CMTM8: variants seen among roughly 807,000 people sequenced by gnomAD.
CMTM8 encodes CKLF like MARVEL transmembrane domain containing 8, also known as CKLF-like MARVEL transmembrane domain-containing protein 8.
A neutral mutation model predicts 18.6 loss-of-function variants in CMTM8; 12 were observed. The observed-to-expected ratio is 0.65, with a 90% confidence interval of 0.41 to 1.05. CMTM8 has a LOEUF of 1.05. Ranked by LOEUF, CMTM8 falls within the 50% of genes least tolerant of loss-of-function variation. The pLI is 0.00. For synonymous variants in CMTM8, 87 were observed against 90.6 expected, an observed-to-expected ratio of 0.96 and a Z score of 0.23; for missense variants, 217 against 227.2, an observed-to-expected ratio of 0.95 and a Z score of 0.29.
chr3:32,280,778 G>A (rs1702595095), intron 1 of CMTM8, among the ~76,000 whole-genome samples: 2 of 149,692 alleles, frequency 1.3e-5, no homozygotes, highest in African/African-American at 2.5e-5. Context: ...TCTGGTACCT[G>A]GGGTGGAGTC....
chr3:32,314,625 G>A (rs144295761), intron 1 of CMTM8, among the ~76,000 whole-genome samples: 15 of 152,028 alleles, frequency 9.9e-5, no homozygotes, highest in East Asian at 1.9e-4. Flanking sequence ...GATTACAGGC[G>A]CATGCCACCA....
At chr3:32,296,249 A>C (rs1481373917) in intron 1 of CMTM8, among the ~76,000 whole-genome samples, 2 of 152,136 alleles carry the variant, frequency 1.3e-5, no homozygotes, top group Non-Finnish European at 2.9e-5. Flanking sequence ...CTGGGATTAC[A>C]GGCATGAGCT....
chr3:32,300,096 C>T (rs150647375), intron 1 of CMTM8, among the ~76,000 whole-genome samples: 1 of 152,182 alleles, frequency 6.6e-6, no homozygotes. Context: ...GTCTTCAGAT[C>T]GAAGACCCAA....
At chr3:32,283,960 T>C (rs970462867) in intron 1 of CMTM8, among the ~76,000 whole-genome samples, 4 of 152,178 alleles carry the variant, frequency 2.6e-5, no homozygotes, top group African/African-American at 9.7e-5. Flanking sequence ...CACACAAATA[T>C]ACACTTAGGG....
chr3:32,304,113 G>T (rs978033237), intron 1 of CMTM8, among the ~76,000 whole-genome samples: 7 of 152,164 alleles, frequency 4.6e-5, no homozygotes, highest in African/African-American at 1.4e-4. Context: ...GACCATTTGG[G>T]TAAGAATACA....
intron 1 of CMTM8, among the ~76,000 whole-genome samples, chr3:32,340,739 AACAG>A (rs775825308): frequency 3.1e-4 from 47 of 152,262 alleles, no homozygotes; most frequent in Non-Finnish European, 5.6e-4. Flanking sequence ...GACTATACAA[AACAG>A]ACAGTGAGCC....
At chr3:32,328,463 C>CT (rs1266569594) in intron 1 of CMTM8, among the ~76,000 whole-genome samples, 1 of 49,720 alleles carries the variant, frequency 2.0e-5, no homozygotes, top group African/African-American at 6.4e-5. Flanking sequence ...AGGCTCAAGG[C>CT]TGCAGTGAGC....
rs75836260 is a variant in CMTM8 at position 32,323,285 on chromosome 3, C to G, written c.148-34088C>G. Among the ~76,000 whole-genome samples, 643 of 152,298 alleles carry G rather than the reference C, an allele frequency of 4.2e-3. 8 individuals carry two copies. Among genetic ancestry groups the G allele is most frequent in the African/African-American group, 0.015 (621 of 41,554 alleles). On this transcript the variant is annotated intron_variant, in intron 1 of 3. Transcript: ENST00000307526. ...TCCGTCTAGCTTCCTGTCCCCAGTTCACTTCCTTGAGATGCCTTCATGGAT... is the reference window on the plus strand; with the variant it reads ...TCCGTCTAGCTTCCTGTCCCCAGTTGACTTCCTTGAGATGCCTTCATGGAT...
chr3:32,293,861 G>C (rs1467730347), intron 1 of CMTM8, among the ~76,000 whole-genome samples: 5 of 152,222 alleles, frequency 3.3e-5, no homozygotes, highest in African/African-American at 1.2e-4. Context: ...TAAACAAACT[G>C]TGCTCTGTGA....
Position 32,304,535 on chromosome 3 carries a change from A to G in CMTM8, c.148-52838A>G, listed in dbSNP as rs903079085. On this transcript the variant is annotated intron_variant, in intron 1 of 3. Transcript: ENST00000307526. ...AGTGCTCTGTATTTTCTAGATTGTC[A>G]TACTCAATCTATATGAACAAAAGAA... 8.5e-5 allele frequency among the ~76,000 whole-genome samples: 13 copies of G among 152,234 alleles called. No individual in the cohort carries two copies. The East Asian group carries it at 1.3e-3, about 16-fold the overall frequency.
chr3:32,366,742 T>C (rs1160923815), intron 2 of CMTM8, among the ~76,000 whole-genome samples: 1 of 146,910 alleles, frequency 6.8e-6, no homozygotes, highest in African/African-American at 2.4e-5. Flanking sequence ...TTTGTGTTAA[T>C]GCACAGATGT....
rs980189098 is a variant in CMTM8 at position 32,329,069 on chromosome 3, CA to C, written c.148-28295del. Reference sequence around the variant, plus strand: ...CTACAAACCAATATCAATATTGATTCAAAAAAAAATTTTTTTTTTCCAATAC... The same window carrying C: ...CTACAAACCAATATCAATATTGATTCAAAAAAAATTTTTTTTTTCCAATAC... On this transcript the variant is annotated intron_variant, in intron 1 of 3. Transcript: ENST00000307526. 8.0e-5 allele frequency among the ~76,000 whole-genome samples: 12 copies of C among 150,614 alleles called. No individual in the cohort carries two copies. In the South Asian group the frequency reaches 8.3e-4, roughly 10 times the overall value.
chr3:32,262,510 G>C (rs537365826), intron 1 of CMTM8, among the ~76,000 whole-genome samples: 1 of 152,312 alleles, frequency 6.6e-6, no homozygotes, highest in African/African-American at 2.4e-5. Flanking sequence ...GGATCACTGT[G>C]TTGGAGGTGG....
Position 32,259,817 on chromosome 3 carries a change from A to T in CMTM8, c.147+20698A>T, listed in dbSNP as rs1702231821. The T allele has an allele frequency of 3.7e-6, 3 of 821,610 alleles. No homozygotes were observed. The South Asian group carries it at 4.0e-5, about 11-fold the overall frequency. 50.9% of individuals were successfully genotyped at this position (821,610 alleles called of 1,614,324 possible). On this transcript the variant is annotated intron_variant, in intron 1 of 3. Transcript: ENST00000307526. ...GTCCGCCGAGGTTGGAGCTGCTGAGATGCCACTCACGGAGCTGAGACATGC... is the reference window on the plus strand; with the variant it reads ...GTCCGCCGAGGTTGGAGCTGCTGAGTTGCCACTCACGGAGCTGAGACATGC...
chr3:32,281,483 A>T (rs6783478), intron 1 of CMTM8, among the ~76,000 whole-genome samples: 71,740 of 151,934 alleles, frequency 0.47, 16,972 homozygotes, highest in South Asian at 0.55. Flanking sequence ...AGTTTATCTG[A>T]GATGTTAAAA....
At chr3:32,312,851 A>G (rs768284352) in intron 1 of CMTM8, among the ~76,000 whole-genome samples, 10 of 151,724 alleles carry the variant, frequency 6.6e-5, no homozygotes, top group Non-Finnish European at 1.5e-4. Context: ...ATGTGGTTGA[A>G]AGGGGCTTGT....
At chr3:32,369,273 C>A (rs1045086248) in intron 3 of CMTM8, among the ~76,000 whole-genome samples, 9 of 152,144 alleles carry the variant, frequency 5.9e-5, no homozygotes, top group African/African-American at 1.9e-4. Flanking sequence ...AAGATCACGC[C>A]ATTGCACTCC....
chr3:32,357,966 T>C (rs1014334002), intron 2 of CMTM8, among the ~76,000 whole-genome samples: 1 of 152,232 alleles, frequency 6.6e-6, no homozygotes, highest in Non-Finnish European at 1.5e-5. Context: ...ACAGCTCTTA[T>C]GATGTTGGAG....
In CMTM8 at chr3:32,315,634, G is replaced by C. The variant is rs902020609; in HGVS notation, c.148-41739G>C. ...GGCCAGGTTAATCACAGTTAATGTTGTACTATGTGACTCCATGCTTTAATA... is the reference window on the plus strand; with the variant it reads ...GGCCAGGTTAATCACAGTTAATGTTCTACTATGTGACTCCATGCTTTAATA... On this transcript the variant is annotated intron_variant, in intron 1 of 3. Coordinates refer to ENST00000307526, the MANE Select transcript of CMTM8 (RefSeq NM_178868.5). Among the ~76,000 whole-genome samples, 5 of 152,298 alleles carry C rather than the reference G, an allele frequency of 3.3e-5. 1 individual carries two copies. In the South Asian group the frequency reaches 1.0e-3, roughly 32 times the overall value.
Sources: allele counts gnomAD v4.1 joint callset (sites outside exome capture counted in the v4.1 genomes callset), GRCh38; gene constraint gnomAD v4.1.1; transcripts MANE v1.5; gene names NCBI Gene and HGNC (gene_info 2026-07-23, HGNC 2026-07-21).